Variants in SEL1L3 observed in about 807,000 individuals in gnomAD.
SEL1L3 encodes the protein protein sel-1 homolog 3.
Under a neutral mutation model 142.8 loss-of-function variants are expected in SEL1L3, and 76 were observed. That is an observed-to-expected ratio of 0.53 (90% CI 0.44 to 0.64). SEL1L3 has a LOEUF of 0.64. Ranked by LOEUF, SEL1L3 falls within the 30% of genes least tolerant of loss-of-function variation. The probability of loss-of-function intolerance (pLI) is 0.00; values close to 1 mark genes in which losing one functional copy is unlikely to be tolerated. For synonymous variants in SEL1L3, 504 were observed against 519.6 expected, an observed-to-expected ratio of 0.97 and a Z score of 0.41; for missense variants, 1,262 against 1,381.7, an observed-to-expected ratio of 0.91 and a Z score of 1.37.
chr4:25,847,525 C>G lies in SEL1L3; in HGVS notation c.502G>C (p.Val168Leu). 1 of 1,613,858 alleles carries G rather than the reference C, an allele frequency of 6.2e-7. No homozygotes were observed. Among genetic ancestry groups the G allele is most frequent in the African/African-American group, 1.3e-5 (1 of 75,032 alleles). ...DDYFIRHSIS[V>L]SAVIVRAWIT... ...CAGGCGCGTACTATCACTGCAGATACAGAGATGGAATGTCTGATGAAATAA... is the reference window on the plus strand; with the variant it reads ...CAGGCGCGTACTATCACTGCAGATAGAGAGATGGAATGTCTGATGAAATAA... Residue 168 changes from valine (V) to leucine (L), a missense_variant, in exon 2 of 24, where the codon GTA becomes CTA. Coordinates refer to ENST00000399878, the MANE Select transcript of SEL1L3 (RefSeq NM_015187.5).
intron 1 of SEL1L3, among the ~76,000 whole-genome samples, chr4:25,860,130 T>A (rs1370253050): frequency 6.6e-6 from 1 of 152,230 alleles, no homozygotes; most frequent in Non-Finnish European, 1.5e-5. Context: ...TAAATGGAGA[T>A]TATAGTAGCT....
intron 20 of SEL1L3, among the ~76,000 whole-genome samples, chr4:25,764,284 A>G (rs1249657071): frequency 6.6e-6 from 1 of 152,192 alleles, no homozygotes; most frequent in Non-Finnish European, 1.5e-5. Context: ...AACTCAATCT[A>G]ATGTGGGATC....
At chr4:25,827,981 G>C (rs1391908018) in intron 6 of SEL1L3, among the ~76,000 whole-genome samples, 1 of 152,124 alleles carries the variant, frequency 6.6e-6, no homozygotes, top group Non-Finnish European at 1.5e-5. Flanking sequence ...CAGCTCCCAG[G>C]CTTCACTGTC....
intron 1 of SEL1L3, among the ~76,000 whole-genome samples, chr4:25,856,042 C>T (rs1236464591): frequency 6.6e-6 from 1 of 152,192 alleles, no homozygotes; most frequent in Admixed American, 6.5e-5. Flanking sequence ...CACCTTGGCA[C>T]CCACCTTAAC....
chr4:25,834,657 G>A (rs1715674426), intron 3 of SEL1L3, among the ~76,000 whole-genome samples: 1 of 152,208 alleles, frequency 6.6e-6, no homozygotes, highest in Non-Finnish European at 1.5e-5. Flanking sequence ...GCTCGGTAAA[G>A]TGACTCAAGA....
rs1174578445 is a variant in SEL1L3, at chr4:25,747,793, A to G, written c.*632T>C. 2 of 152,670 alleles carry G rather than the reference A, an allele frequency of 1.3e-5. No homozygotes were observed. Among genetic ancestry groups the G allele is most frequent in the Non-Finnish European group, 2.9e-5 (2 of 68,074 alleles). The allele number at this position is 152,670 out of a possible 1,614,324, so 9.5% of individuals were successfully genotyped here. A position where few individuals can be genotyped will look rare whatever the true frequency, so the allele number is the denominator to read the frequency against. On this transcript the variant is annotated 3_prime_UTR_variant, in exon 24 of 24. Transcript: ENST00000399878. ...GCAATTGAAATGTAAAAGATATCCGACAATGCCATTAAATGATTCGGAAGC... is the reference window on the plus strand; with the variant it reads ...GCAATTGAAATGTAAAAGATATCCGGCAATGCCATTAAATGATTCGGAAGC...
intron 2 of SEL1L3, among the ~76,000 whole-genome samples, chr4:25,847,010 C>T (rs1716559536): frequency 6.6e-6 from 1 of 151,826 alleles, no homozygotes; most frequent in Non-Finnish European, 1.5e-5. Flanking sequence ...CATGAATACT[C>T]CTTTCCAGCT....
At chr4:25,818,372 A>AAGAGG in intron 8 of SEL1L3, 94 bp from the exon 9 acceptor site, 1 of 1,088,540 alleles carries the variant, frequency 9.2e-7, no homozygotes. Flanking sequence ...AACTAGAAAG[A>AAGAGG]CTTGCCATTA....
At chr4:25,829,214 C>A (rs1201314914) in intron 6 of SEL1L3, among the ~76,000 whole-genome samples, 1 of 152,194 alleles carries the variant, frequency 6.6e-6, no homozygotes, top group Non-Finnish European at 1.5e-5. Flanking sequence ...CTCAAGTAAT[C>A]CACCTGCCTT....
At chr4:25,824,508 G>A (rs957980354) in intron 6 of SEL1L3, among the ~76,000 whole-genome samples, 1 of 152,220 alleles carries the variant, frequency 6.6e-6, no homozygotes. Flanking sequence ...AACAGTGTCA[G>A]GCACAGAGCA....
chr4:25,832,536 TAATGCCA>T (rs1715513839), intron 5 of SEL1L3, among the ~76,000 whole-genome samples: 1 of 152,242 alleles, frequency 6.6e-6, no homozygotes, highest in Non-Finnish European at 1.5e-5. Context: ...ATGGTCTGTT[TAATGCCA>T]AACATAAGCA....
At position 25,765,180 on chromosome 4, in the gene SEL1L3, G is replaced by C. The variant is rs2109134598; in HGVS notation, c.2955+146C>G. The C allele has an allele frequency of 4.8e-6, 3 of 619,552 alleles. No individual in the cohort carries two copies. The South Asian group carries it at 5.7e-5, about 12-fold the overall frequency. 38.4% of individuals were successfully genotyped at this position (619,552 alleles called of 1,614,324 possible). A position where few individuals can be genotyped will look rare whatever the true frequency, so the allele number is the denominator to read the frequency against. On this transcript the variant is annotated intron_variant, in intron 20 of 23. Coordinates refer to ENST00000399878, the MANE Select transcript of SEL1L3 (RefSeq NM_015187.5). ...CAGCTAATTTTTGTATTTTTGTAGA[G>C]ATGGGGTTTCGCCATGTTGCTCAGG...
intron 2 of SEL1L3, among the ~76,000 whole-genome samples, chr4:25,842,394 C>T (rs911505331): frequency 6.6e-6 from 1 of 151,206 alleles, no homozygotes; most frequent in South Asian, 2.1e-4. Flanking sequence ...CAGGGGGAGT[C>T]GGGGCGGAAC....
intron 2 of SEL1L3, among the ~76,000 whole-genome samples, chr4:25,845,958 C>T (rs1379910618): frequency 2.6e-5 from 4 of 152,090 alleles, no homozygotes; most frequent in East Asian, 3.9e-4. Context: ...TTTAAAATGC[C>T]GATTCCAAGC....
intron 16 of SEL1L3, among the ~76,000 whole-genome samples, chr4:25,778,192 A>AG (rs751746716): frequency 6.6e-6 from 1 of 152,194 alleles, no homozygotes; most frequent in Non-Finnish European, 1.5e-5. Flanking sequence ...AGAGAAAGAA[A>AG]GGGGTCTGAC....
chr4:25,729,566 T>G, the SEL1L3 span, among the ~76,000 whole-genome samples: 1 of 151,854 alleles, frequency 6.6e-6, no homozygotes, highest in Non-Finnish European at 1.5e-5. Context: ...ATACAAAAAT[T>G]AGCTGGGCGT....
At chr4:25,792,763 G>A (rs1712443218) in intron 11 of SEL1L3, among the ~76,000 whole-genome samples, 1 of 152,228 alleles carries the variant, frequency 6.6e-6, no homozygotes, top group Non-Finnish European at 1.5e-5. Context: ...CTCAGATAAA[G>A]TAGCTGGCCC....
Position 25,757,757 on chromosome 4 carries a change from G to C in SEL1L3, c.3117C>G (p.Ser1039Arg), listed in dbSNP as rs1168642034. 10 of 1,593,652 alleles carry C rather than the reference G, an allele frequency of 6.3e-6. No individual in the cohort carries two copies. Among genetic ancestry groups the C allele is most frequent in the Admixed American group, 3.5e-5 (2 of 57,228 alleles). The change falls in exon 22 of 24, where the codon AGC becomes AGG. Residue 1039 changes from serine (S) to arginine (R), a missense_variant. Transcript: ENST00000399878. ...CWSHSNEESF[S>R]PCSLAWLYLH... Reference sequence around the variant, plus strand: ...GGTAAAGCCAGGCCAAGGAGCAGGGGCTGAAGGACTCCTCGTTACTGTGGC... The same window carrying C: ...GGTAAAGCCAGGCCAAGGAGCAGGGCCTGAAGGACTCCTCGTTACTGTGGC...
In SEL1L3 at chr4:25,818,185, T is replaced by G. The variant is rs757968661; in HGVS notation, c.1517A>C (p.Lys506Thr). Residue 506 changes from lysine (K) to threonine (T), a missense_variant, in exon 9 of 24, where the codon AAA becomes ACA. This residue lies in a region of SEL1L3 where 689 missense variants were observed against 692.8 expected (regional missense o/e 0.99). Transcript: ENST00000399878. ...AFPWEKELKD[K>T]HPSLFQALLE... Reference sequence around the variant, plus strand: ...CAATGCCTGGAACAAGCTGGGGTGTTTGTCTTTCAGCTCCTTCTCCCAGGG... The same window carrying G: ...CAATGCCTGGAACAAGCTGGGGTGTGTGTCTTTCAGCTCCTTCTCCCAGGG... 1.2e-6 allele frequency: 2 copies of G among 1,609,818 alleles called. No homozygotes were observed. Among genetic ancestry groups the G allele is most frequent in the African/African-American group, 2.7e-5 (2 of 74,876 alleles).
Sources: gnomAD v4.1 joint callset for allele counts (sites outside exome capture counted in the v4.1 genomes callset) on GRCh38, gnomAD v4.1.1 for gene constraint, gnomAD v4.1.1 regional missense constraint, MANE v1.5 for transcripts, NCBI Gene and HGNC (gene_info 2026-07-23, HGNC 2026-07-21) for gene names.